FGFR2: variants seen among roughly 807,000 people sequenced by gnomAD.
The protein encoded by FGFR2 is BEK fibroblast growth factor receptor.
In FGFR2, 19 loss-of-function variants were observed where a neutral mutation model predicts 95.9. The ratio of observed to expected loss-of-function variants is 0.20; its 90% CI spans 0.14 to 0.29. The LOEUF is 0.29. FGFR2 is among the 10% of genes least tolerant of loss of function. FGFR2 has a pLI of 1.00. For missense variants in FGFR2, 707 were observed against 1,056.9 expected (o/e 0.67, Z 4.59); for synonymous variants, 392 against 393.3 (o/e 1.00, Z 0.04).
At chr10:121,591,727 C>T (rs764250945) in intron 2 of FGFR2, among the ~76,000 whole-genome samples, 2 of 152,062 alleles carry the variant, frequency 1.3e-5, no homozygotes, top group Non-Finnish European at 2.9e-5. Context: ...AAACTATAAA[C>T]CCATAAAAAT....
Position 121,598,016 on chromosome 10 carries a change from C to A in FGFR2, c.-205G>T. 1 of 396,426 alleles carries A rather than the reference C, an allele frequency of 2.5e-6. No individual in the cohort carries two copies. Among genetic ancestry groups the A allele is most frequent in the South Asian group, 1.3e-4 (1 of 7,782 alleles). The allele number at this position is 396,426 out of a possible 1,614,324, so 24.6% of individuals were successfully genotyped here. A position where few individuals can be genotyped will look rare whatever the true frequency, so the allele number is the denominator to read the frequency against. ...TGTTGTCCCCGCGCCCCGCGTGGGT[C>A]GGGATGGAGAAAGCGACGAGCCCGG... On this transcript the variant is annotated 5_prime_UTR_variant, in exon 1 of 18. Coordinates refer to ENST00000358487, the MANE Select transcript of FGFR2 (RefSeq NM_000141.5).
At chr10:121,488,556 AAAAG>A (rs1453617726) in intron 13 of FGFR2, among the ~76,000 whole-genome samples, 1 of 146,180 alleles carries the variant, frequency 6.8e-6, no homozygotes, top group East Asian at 2.1e-4. Context: ...AAAAAAAAAA[AAAAG>A]AAAGAAAAGA....
chr10:121,497,028 G>A (rs1846936787), intron 12 of FGFR2, among the ~76,000 whole-genome samples: 1 of 150,674 alleles, frequency 6.6e-6, no homozygotes, highest in South Asian at 2.1e-4. Context: ...CTACTTGAGA[G>A]GCTGAGACAG....
At chr10:121,493,020 A>G (rs1460866436) in intron 13 of FGFR2, among the ~76,000 whole-genome samples, 3 of 152,032 alleles carry the variant, frequency 2.0e-5, no homozygotes, top group Admixed American at 2.0e-4. Flanking sequence ...CACTCTTCAG[A>G]CCTACAAGTC....
chr10:121,509,735 G>A (rs371068450), intron 9 of FGFR2, among the ~76,000 whole-genome samples: 4 of 151,668 alleles, frequency 2.6e-5, no homozygotes, highest in East Asian at 1.9e-4. Context: ...CACCTACGTC[G>A]GCCTCCCAAA....
At chr10:121,590,299 A>C (rs1191118951) in intron 2 of FGFR2, among the ~76,000 whole-genome samples, 1 of 152,228 alleles carries the variant, frequency 6.6e-6, no homozygotes, top group Admixed American at 6.5e-5. Context: ...CAATGACTTA[A>C]TTAACCAGAG....
chr10:121,553,062 C>T (rs1232404647), intron 4 of FGFR2, among the ~76,000 whole-genome samples: 2 of 152,182 alleles, frequency 1.3e-5, no homozygotes, highest in Non-Finnish European at 2.9e-5. Flanking sequence ...ATCCAAACAC[C>T]TACCCCAATT....
chr10:121,589,512 C>T (rs142198064), intron 2 of FGFR2, among the ~76,000 whole-genome samples: 12 of 152,232 alleles, frequency 7.9e-5, no homozygotes, highest in East Asian at 5.8e-4. Flanking sequence ...TGGCTTGATG[C>T]GGGGCCATTG....
Position 121,503,801 on chromosome 10 carries a change from A to G in FGFR2, c.1428T>C (p.Phe476=), listed in dbSNP as rs2134053263. 2 of 1,614,136 alleles carry G rather than the reference A, an allele frequency of 1.2e-6. No individual in the cohort carries two copies. The highest frequency in any genetic ancestry group is 2.2e-5 in the South Asian group (2 of 91,062). Residue 476 remains phenylalanine, a synonymous_variant, in exon 10 of 18, where the codon TTT becomes TTC. Transcript: ENST00000358487. ...YELPEDPKWE[F]PRDKLTLGKP... ...AGAGAAGTACTCACTTATCTCTTGG[A>G]AACTCCCATTTTGGGTCCTCTGGAA...
chr10:121,582,901 A>G (rs1416295915), intron 2 of FGFR2, among the ~76,000 whole-genome samples: 1 of 152,234 alleles, frequency 6.6e-6, no homozygotes, highest in East Asian at 1.9e-4. Flanking sequence ...GTAGCCAAGA[A>G]CAAAGTTCAG....
At chr10:121,571,164 AT>A (rs45631564) in intron 2 of FGFR2, among the ~76,000 whole-genome samples, 1 of 147,720 alleles carries the variant, frequency 6.8e-6, no homozygotes, top group East Asian at 2.0e-4. Flanking sequence ...AATTTTTGGT[AT>A]TTTTTTTAGT....
At chr10:121,528,716 C>A (rs1180737716) in intron 6 of FGFR2, among the ~76,000 whole-genome samples, 1 of 152,166 alleles carries the variant, frequency 6.6e-6, no homozygotes, top group Non-Finnish European at 1.5e-5. Flanking sequence ...AATCACGGTT[C>A]TAGATACTTC....
chr10:121,546,025 G>T (rs969408472), intron 5 of FGFR2, among the ~76,000 whole-genome samples: 1 of 152,204 alleles, frequency 6.6e-6, no homozygotes. Flanking sequence ...ATAAAAGATG[G>T]TTTTTAAGAA....
intron 6 of FGFR2, among the ~76,000 whole-genome samples, chr10:121,536,834 A>G (rs550848221): frequency 5.0e-4 from 76 of 152,222 alleles, no homozygotes; most frequent in Non-Finnish European, 7.9e-4. Flanking sequence ...TATAATCCCA[A>G]AAGACTGCTA....
intron 8 of FGFR2, among the ~76,000 whole-genome samples, 190 bp from the exon 9 acceptor site, chr10:121,515,509 T>C (rs558360299): frequency 5.9e-5 from 9 of 152,086 alleles, no homozygotes; most frequent in South Asian, 4.2e-4. Flanking sequence ...AGGACCCAGG[T>C]AGTCACTGTC....
At position 121,524,146 on chromosome 10, in the gene FGFR2, A is replaced by ACACACACACCCC. The variant is rs142755962; in HGVS notation, c.749-3978_749-3977insGGGGTGTGTGTG. 6.6e-4 allele frequency among the ~76,000 whole-genome samples: 91 copies of ACACACACACCCC among 136,936 alleles called. 1 individual carries two copies. Among genetic ancestry groups the ACACACACACCCC allele is most frequent in the Admixed American group, 4.4e-3 (61 of 13,916 alleles). 89.8% of individuals were successfully genotyped at this position (136,936 alleles called of 152,430 possible). Reference sequence around the variant, plus strand: ...CACACACACACACACACACACACACACCCCAAGTTTGCAATGGTTTAATGT... The same window carrying ACACACACACCCC: ...CACACACACACACACACACACACACACACACACACCCCCCCCAAGTTTGCAATGGTTTAATGT... On this transcript the variant is annotated intron_variant, in intron 6 of 17. Transcript: ENST00000358487.
At position 121,531,966 on chromosome 10, in the gene FGFR2, C is replaced by T. The variant is rs1017476207; in HGVS notation, c.748+6626G>A. Reference sequence around the variant, plus strand: ...AAATAAGCCCACTTAGAAAGGCTGTCGCTGTGACCCATTACCTGGCACGCC... The same window carrying T: ...AAATAAGCCCACTTAGAAAGGCTGTTGCTGTGACCCATTACCTGGCACGCC... On this transcript the variant is annotated intron_variant, in intron 6 of 17. Coordinates refer to ENST00000358487, the MANE Select transcript of FGFR2 (RefSeq NM_000141.5). The surrounding 1 kb of genome is among the most constrained non-coding windows in gnomAD (Gnocchi z 4.5). Among the ~76,000 whole-genome samples, 2 of 152,196 alleles carry T rather than the reference C, an allele frequency of 1.3e-5. No homozygotes were observed. The highest frequency in any genetic ancestry group is 2.1e-4 in the South Asian group (1 of 4,834).
intron 5 of FGFR2, among the ~76,000 whole-genome samples, chr10:121,548,318 C>T (rs1854870866): frequency 8.4e-6 from 1 of 119,496 alleles, no homozygotes; most frequent in Admixed American, 1.2e-4. Context: ...GTCCCACACA[C>T]TGAAATTCCA....
At chr10:121,539,347 T>C (rs1320600621) in intron 5 of FGFR2, among the ~76,000 whole-genome samples, 1 of 152,208 alleles carries the variant, frequency 6.6e-6, no homozygotes, top group Non-Finnish European at 1.5e-5. Context: ...ATTCCAAATA[T>C]GGCGGCAATG....
Sources: allele counts gnomAD v4.1 joint callset (sites outside exome capture counted in the v4.1 genomes callset), GRCh38; gene constraint gnomAD v4.1.1; non-coding constraint Gnocchi (gnomAD v3.1); transcripts MANE v1.5; gene names NCBI Gene and HGNC (gene_info 2026-07-23, HGNC 2026-07-21).